The following PRC1 variants were observed in gnomAD, a reference collection of about 807,000 sequenced individuals.
PRC1 encodes the protein protein regulator of cytokinesis 1, also known as anaphase spindle elongation 1 homolog.
A neutral mutation model predicts 91.2 loss-of-function variants in PRC1; 54 were observed. That is an observed-to-expected ratio of 0.59 (90% CI 0.48 to 0.74). PRC1 has a LOEUF of 0.74. Ranked by LOEUF, PRC1 falls within the 30% of genes least tolerant of loss-of-function variation. The pLI is 0.00. For missense variants in PRC1, 727 were observed against 746.2 expected, an observed-to-expected ratio of 0.97 and a Z score of 0.30; for synonymous variants, 275 against 263.6, an observed-to-expected ratio of 1.04 and a Z score of -0.42.
At position 90,981,952 on chromosome 15, in the gene PRC1, T is replaced by A. The variant is rs2039229610; in HGVS notation, c.297A>T (p.Leu99=). 6.8e-6 allele frequency: 11 copies of A among 1,614,076 alleles called. No homozygotes were observed. Among genetic ancestry groups the A allele is most frequent in the Middle Eastern group, 1.6e-4 (1 of 6,084 alleles). Residue 99 remains leucine, a synonymous_variant, in exon 4 of 15, where the codon CTA becomes CTT. Coordinates refer to ENST00000394249, the MANE Select transcript of PRC1 (RefSeq NM_003981.4). ...QEEGETTILQ[L]EKDLRTQVEL... is the part of the protein sequence containing the mutation. The stretch of plus-strand genomic sequence containing the variant: ...CCACTTGGGTGCGCAAATCTTTTTC[T>A]AGTTGCAAGATGGTCGTCTCTCCTT...
rs541257679 is a variant in PRC1 at position 90,983,937 on chromosome 15, A to G, written c.267+81T>C. 20 of 1,540,366 alleles carry G rather than the reference A, an allele frequency of 1.3e-5. No individual in the cohort carries two copies. The African/African-American group carries it at 2.3e-4, about 18-fold the overall frequency. On this transcript the variant is annotated intron_variant, in intron 3 of 14. Coordinates refer to ENST00000394249, the MANE Select transcript of PRC1 (RefSeq NM_003981.4). Reference sequence around the variant, plus strand: ...CTCCATCCCTACGAGGAAGCCTTCCATCTGCAGGCCCAAGTCAACGTTGCT... The same window carrying G: ...CTCCATCCCTACGAGGAAGCCTTCCGTCTGCAGGCCCAAGTCAACGTTGCT...
intron 9 of PRC1, among the ~76,000 whole-genome samples, chr15:90,975,996 AACG>A (rs2038655587): frequency 6.6e-6 from 1 of 152,204 alleles, no homozygotes; most frequent in South Asian, 2.1e-4. Context: ...CAACTCTGCC[AACG>A]ACATGTTGAT....
intron 6 of PRC1, chr15:90,980,669 G>A (rs2039120998): frequency 5.7e-6 from 4 of 703,278 alleles, no homozygotes; most frequent in Non-Finnish European, 6.9e-6. Context: ...ACAGGCGCAC[G>A]CCACTACCAC....
intron 12 of PRC1, among the ~76,000 whole-genome samples, chr15:90,969,941 GAA>G (rs2037954035): frequency 6.6e-6 from 1 of 151,842 alleles, no homozygotes; most frequent in Non-Finnish European, 1.5e-5. Context: ...TTTTAAATAT[GAA>G]TTCTTGATTT....
intron 11 of PRC1, among the ~76,000 whole-genome samples, chr15:90,971,458 G>T (rs938668814): frequency 6.6e-6 from 1 of 151,938 alleles, no homozygotes; most frequent in African/African-American, 2.4e-5. Flanking sequence ...GCTAATTTTT[G>T]TATTTGTAGT....
chr15:90,969,148 C>A, intron 13 of PRC1, 28 bp from the exon 14 acceptor site: 1 of 1,594,600 alleles, frequency 6.3e-7, no homozygotes, highest in Non-Finnish European at 8.6e-7. Flanking sequence ...AGACAATTAC[C>A]AAGAACTCCA....
At chr15:90,967,851 C>G in intron 14 of PRC1, 6 of 985,476 alleles carry the variant, frequency 6.1e-6, no homozygotes, top group Non-Finnish European at 7.2e-6. Context: ...CTTCACAGAG[C>G]TACTTTAGAG....
At chr15:90,985,315 C>G (rs1429365421) in intron 1 of PRC1, among the ~76,000 whole-genome samples, 1 of 151,416 alleles carries the variant, frequency 6.6e-6, no homozygotes. Context: ...ACTGCAACCT[C>G]TACCTTTTGC....
At position 90,980,408 on chromosome 15, in the gene PRC1, T is replaced by C. The variant is rs367692801; in HGVS notation, c.823-19A>G. ...ATTGCAGCTGAAAGAAAGAAACTTG[T>C]TAAGGGTGGCTGCCATAGTTTTATA... is the stretch of plus-strand genomic sequence containing the variant. On this transcript the variant is annotated intron_variant, in intron 6 of 14. Coordinates refer to ENST00000394249, the MANE Select transcript of PRC1 (RefSeq NM_003981.4). 2.5e-5 allele frequency: 40 copies of C among 1,610,398 alleles called. No individual in the cohort carries two copies. The highest frequency in any genetic ancestry group is 3.3e-5 in the Non-Finnish European group (39 of 1,178,826).
intron 1 of PRC1, among the ~76,000 whole-genome samples, chr15:90,993,558 C>A (rs2040106313): frequency 6.6e-6 from 1 of 152,194 alleles, no homozygotes; most frequent in Non-Finnish European, 1.5e-5. Context: ...CATCAGAAAA[C>A]TGCATCCACA....
chr15:90,967,122 C>T lies in PRC1; in HGVS notation c.*9G>A. ...AGGAAGCCACAGCTGGTTGACTGAT[C>T]AGGGCTTCTCAGGACTGGATGTTGG... On this transcript the variant is annotated 3_prime_UTR_variant, in exon 15 of 15. Coordinates refer to ENST00000394249, the MANE Select transcript of PRC1 (RefSeq NM_003981.4). 1.9e-6 allele frequency: 3 copies of T among 1,611,940 alleles called. No homozygotes were observed. The highest frequency in any genetic ancestry group is 2.5e-6 in the Non-Finnish European group (3 of 1,177,988).
At position 90,984,063 on chromosome 15, in the gene PRC1, T is replaced by C. The variant is rs200573147; in HGVS notation, c.222A>G (p.Lys74=). Residue 74 remains lysine (K), a synonymous_variant, in exon 3 of 15, where the codon AAA becomes AAG. Transcript: ENST00000394249. This position sits in a 1 kb window ranked among gnomAD's most constrained non-coding sequence, Gnocchi z 5.1. Reference sequence around the variant, plus strand: ...ACTCGCTGCACAGAGTGTTCAGCTCTTTCTGACAGACGGATATGCTTTTGA... The same window carrying C: ...ACTCGCTGCACAGAGTGTTCAGCTCCTTCTGACAGACGGATATGCTTTTGA... ...RLIKSISVCQ[K]ELNTLCSELH... 1.3e-4 allele frequency: 205 copies of C among 1,614,170 alleles called. 1 individual carries two copies. Among genetic ancestry groups the C allele is most frequent in the South Asian group, 1.2e-3 (112 of 91,088 alleles).
chr15:90,974,695 C>G lies in PRC1; in HGVS notation c.1240G>C (p.Glu414Gln). ...EELKARIELW[E>Q]QEHSKAFMVN... The stretch of plus-strand genomic sequence containing the variant: ...ATAAATGCCTTTGAATGTTCCTGTT[C>G]CCACAATTCAATTCGTGCCTTCAAC... The change falls in exon 10 of 15, where the codon GAA becomes CAA. Residue 414 changes from glutamate to glutamine, a missense_variant. Physicochemically the swap from Glu to Gln is conservative, Grantham distance 29. Coordinates refer to ENST00000394249, the MANE Select transcript of PRC1 (RefSeq NM_003981.4). The surrounding 1 kb of genome is among the most constrained non-coding windows in gnomAD (Gnocchi z 4.6). 1 of 1,614,176 alleles carries G rather than the reference C, an allele frequency of 6.2e-7. No homozygotes were observed. The highest frequency in any genetic ancestry group is 8.5e-7 in the Non-Finnish European group (1 of 1,180,026).
At chr15:90,969,762 ACATATATAT>A (rs1306331845) in intron 12 of PRC1, 139 bp from the exon 13 acceptor site, 5 of 174,710 alleles carry the variant, frequency 2.9e-5, no homozygotes, top group Non-Finnish European at 5.5e-5. Context: ...TAAAAAAAAA[ACATATATAT>A]ATATATATAT....
intron 9 of PRC1, among the ~76,000 whole-genome samples, chr15:90,975,679 C>G (rs2038617797): frequency 6.6e-6 from 1 of 152,062 alleles, no homozygotes; most frequent in Non-Finnish European, 1.5e-5. Context: ...TATTTGGAGA[C>G]AGCGTCTTTA....
At chr15:90,970,270 A>T in intron 12 of PRC1, 134 bp downstream of exon 12, 2 of 696,228 alleles carry the variant, frequency 2.9e-6, no homozygotes, top group Non-Finnish European at 5.1e-6. Context: ...GAGCTAGCTT[A>T]TATCTGTCAA....
rs1039834147 is a variant in PRC1, at chr15:90,969,369, G to T, written c.1749+78C>A. On this transcript the variant is annotated intron_variant, in intron 13 of 14. Transcript: ENST00000394249. ...GTAGCTGCCCTAGCTAATAGCCTGG[G>T]TGCCCCTGGGAAGATACCCACTCTG... is the stretch of plus-strand genomic sequence containing the variant. 40 of 1,488,330 alleles carry T rather than the reference G, an allele frequency of 2.7e-5. No individual in the cohort carries two copies. In the African/African-American group the frequency reaches 4.8e-4, roughly 18 times the overall value. The allele number at this position is 1,488,330 out of a possible 1,614,324, so 92.2% of individuals were successfully genotyped here. A position where few individuals can be genotyped will look rare whatever the true frequency, so the allele number is the denominator to read the frequency against.
intron 1 of PRC1, among the ~76,000 whole-genome samples, chr15:90,992,731 A>G (rs532284301): frequency 6.6e-6 from 1 of 152,324 alleles, no homozygotes; most frequent in East Asian, 1.9e-4. Flanking sequence ...ATTCACTGAA[A>G]AAAATCAAGA....
rs758380323 is a variant in PRC1, at chr15:90,969,100, G to A, written c.1770C>T (p.Asp590=). 1.2e-6 allele frequency: 2 copies of A among 1,613,822 alleles called. No individual in the cohort carries two copies. Among genetic ancestry groups the A allele is most frequent in the East Asian group, 2.2e-5 (1 of 44,890 alleles). ...AGACCTGAAGCCCAACAGTGGAACT[G>A]TCAGAGAGGGACGGATCCTTCTAAG... is the stretch of plus-strand genomic sequence containing the variant. The part of the protein sequence containing the change: ...SEFAKDPSLS[D]SSTVGLQREL... The change falls in exon 14 of 15, where the codon GAC becomes GAT. Residue 590 remains aspartate (D), a synonymous_variant. Coordinates refer to ENST00000394249, the MANE Select transcript of PRC1 (RefSeq NM_003981.4).
Sources: gnomAD v4.1 joint callset for allele counts (sites outside exome capture counted in the v4.1 genomes callset) on GRCh38, gnomAD v4.1.1 for gene constraint, Gnocchi (gnomAD v3.1) non-coding constraint, MANE v1.5 for transcripts, NCBI Gene and HGNC (gene_info 2026-07-23, HGNC 2026-07-21) for gene names.